The following RLF variants were observed in gnomAD, a reference collection of about 807,000 sequenced individuals.
The protein encoded by RLF is RLF zinc finger.
In RLF, 7 loss-of-function variants were observed where a neutral mutation model predicts 162.9. The ratio of observed to expected loss-of-function variants is 0.04; its 90% CI spans 0.02 to 0.08. The LOEUF is 0.08. Ranked by LOEUF, RLF falls within the 10% of genes least tolerant of loss-of-function variation. The probability of loss-of-function intolerance (pLI) is 1.00; values close to 1 mark genes in which losing one functional copy is unlikely to be tolerated. For missense variants in RLF, 1,664 were observed against 2,244.7 expected (o/e 0.74, Z 5.23); for synonymous variants, 782 against 791.5 (o/e 0.99, Z 0.20).
intron 3 of RLF, among the ~76,000 whole-genome samples, chr1:40,194,531 T>C (rs150621736): frequency 0.052 from 7,857 of 151,452 alleles, 598 homozygotes; most frequent in African/African-American, 0.17. Flanking sequence ...TCCCAGCTAC[T>C]TGGGAGATTG....
Position 40,238,655 on chromosome 1 carries a change from A to T in RLF, c.3953A>T (p.Asn1318Ile). ...KPFHCIHKTC[N>I]SSFTNLKGLI... ...TTCCATTGTATTCATAAAACTTGCA[A>T]CTCCTCATTCACCAATCTAAAAGGC... Residue 1318 changes from asparagine to isoleucine, a missense_variant, in exon 8 of 8, where the codon AAC becomes ATC. Transcript: ENST00000372771. This position sits in a 1 kb window ranked among gnomAD's most constrained non-coding sequence, Gnocchi z 5.2. 1 of 1,613,218 alleles carries T rather than the reference A, an allele frequency of 6.2e-7. No homozygotes were observed. The highest frequency in any genetic ancestry group is 8.5e-7 in the Non-Finnish European group (1 of 1,179,580).
chr1:40,231,389 C>T lies in RLF; in HGVS notation c.948-128C>T. On this transcript the variant is annotated intron_variant, in intron 6 of 7. Transcript: ENST00000372771. ...GGGAGAAAGCAGTGGTGAATATAGA[C>T]AGCTTTTAATCTAGTTTTTGTTTTC... 5.7e-6 allele frequency: 4 copies of T among 705,824 alleles called. No individual in the cohort carries two copies. In the Admixed American group the frequency reaches 1.1e-4, roughly 19 times the overall value. 43.7% of individuals were successfully genotyped at this position (705,824 alleles called of 1,614,324 possible).
intron 5 of RLF, among the ~76,000 whole-genome samples, chr1:40,204,783 A>T (rs981052218): frequency 2.0e-5 from 3 of 151,994 alleles, no homozygotes; most frequent in African/African-American, 2.4e-5. Context: ...GTTTTTTCTT[A>T]TTCTTCAAAA....
intron 5 of RLF, among the ~76,000 whole-genome samples, chr1:40,206,058 C>G (rs547049262): frequency 2.6e-5 from 4 of 152,210 alleles, no homozygotes; most frequent in African/African-American, 9.6e-5. Context: ...TCTCTCCAGC[C>G]CTGTTCCCTC....
At chr1:40,213,245 G>A (rs1642885139) in intron 5 of RLF, among the ~76,000 whole-genome samples, 1 of 152,146 alleles carries the variant, frequency 6.6e-6, no homozygotes, top group African/African-American at 2.4e-5. Flanking sequence ...GTATGCATCT[G>A]GATCTCACTT....
Position 40,239,635 on chromosome 1 carries a change from A to G in RLF, c.4933A>G (p.Ser1645Gly), listed in dbSNP as rs1296314849. ...CCAGAACACTGATTGCTGTCATTCA[A>G]GTGAAAGGGATGGAGGTCAGAAAGG... ...PIQNTDCCHS[S>G]ERDGGQKGCI... The change falls in exon 8 of 8, where the codon AGT (serine) becomes GGT (glycine). Residue 1645 changes from serine (S) to glycine (G), a missense_variant. Around this residue, in one of 15 missense-constraint regions of RLF, gnomAD observed 327 missense variants for 342.7 expected, o/e 0.95. Transcript: ENST00000372771. 3.1e-6 allele frequency: 5 copies of G among 1,614,186 alleles called. No individual in the cohort carries two copies. Among genetic ancestry groups the G allele is most frequent in the East Asian group, 2.2e-5 (1 of 44,882 alleles).
chr1:40,215,953 G>T (rs1642918968), intron 5 of RLF, among the ~76,000 whole-genome samples: 1 of 151,866 alleles, frequency 6.6e-6, no homozygotes, highest in Non-Finnish European at 1.5e-5. Flanking sequence ...ATAAATAAAT[G>T]AAATAGAGAA....
rs764087943 is a variant in RLF, at chr1:40,239,087, C to T, written c.4385C>T (p.Ser1462Leu). 41 of 1,614,080 alleles carry T rather than the reference C, an allele frequency of 2.5e-5. No homozygotes were observed. Among genetic ancestry groups the T allele is most frequent in the South Asian group, 2.5e-4 (23 of 91,078 alleles). The stretch of plus-strand genomic sequence containing the variant: ...ATTTTCACCCATCGCAGTAATTACT[C>T]ACAACATGTATATTACCGACATAAA... ...GQIFTHRSNY[S>L]QHVYYRHKDY... Residue 1462 changes from serine (S) to leucine (L), a missense_variant, in exon 8 of 8, where the codon TCA (serine) becomes TTA (leucine). Ser to Leu is a moderately radical substitution (Grantham distance 145). Coordinates refer to ENST00000372771, the MANE Select transcript of RLF (RefSeq NM_012421.4).
At chr1:40,204,036 T>C (rs113625050) in intron 5 of RLF, among the ~76,000 whole-genome samples, 2,478 of 115,488 alleles carry the variant, frequency 0.021, 58 homozygotes, top group African/African-American at 0.097. Flanking sequence ...TCCTCTCTCT[T>C]TTTTTTTTTT....
At chr1:40,231,983 G>C (rs2124559886) in intron 7 of RLF, among the ~76,000 whole-genome samples, 2 of 152,286 alleles carry the variant, frequency 1.3e-5, no homozygotes, top group South Asian at 4.1e-4. Flanking sequence ...CAAGGCGGGT[G>C]GATTACTTGA....
At chr1:40,162,491 C>G (rs1005970882) in intron 1 of RLF, among the ~76,000 whole-genome samples, 1 of 152,170 alleles carries the variant, frequency 6.6e-6, no homozygotes, top group African/African-American at 2.4e-5. Context: ...TTTGTTCTGT[C>G]AGGTTTCAGA....
chr1:40,182,780 G>C (rs1166175054), intron 1 of RLF, among the ~76,000 whole-genome samples: 1 of 152,032 alleles, frequency 6.6e-6, no homozygotes, highest in Non-Finnish European at 1.5e-5. Context: ...TAGATAGATA[G>C]ATAGATAGAT....
intron 1 of RLF, among the ~76,000 whole-genome samples, chr1:40,188,660 CAT>C (rs927573907): frequency 3.3e-5 from 5 of 151,560 alleles, no homozygotes; most frequent in African/African-American, 7.3e-5. Flanking sequence ...AACTGAGAGT[CAT>C]ATTCAGGAAT....
intron 4 of RLF, among the ~76,000 whole-genome samples, chr1:40,196,560 C>T (rs1360072737): frequency 3.9e-5 from 6 of 152,124 alleles, no homozygotes; most frequent in Non-Finnish European, 7.4e-5. Context: ...GCTGGAGTGG[C>T]ACAATTATGG....
intron 5 of RLF, among the ~76,000 whole-genome samples, chr1:40,203,231 C>G (rs1161101887): frequency 6.6e-6 from 1 of 150,906 alleles, no homozygotes; most frequent in Non-Finnish European, 1.5e-5. Flanking sequence ...TCTTGTGCCT[C>G]AGCCTCCCAA....
At chr1:40,209,418 C>G (rs1204562438) in intron 5 of RLF, among the ~76,000 whole-genome samples, 3 of 152,258 alleles carry the variant, frequency 2.0e-5, no homozygotes, top group African/African-American at 7.2e-5. Flanking sequence ...ATTTTAGACA[C>G]CTTACAAACA....
rs186890190 is a variant in RLF, at chr1:40,234,366, T to C, written c.1090-1426T>C. Among the ~76,000 whole-genome samples, 251 of 152,282 alleles carry C rather than the reference T, an allele frequency of 1.6e-3. 8 individuals carry two copies. The South Asian group carries it at 0.037, about 23-fold the overall frequency. On this transcript the variant is annotated intron_variant, in intron 7 of 7. Transcript: ENST00000372771. ...ATGAGGATAATACGTGCAAAAAAGT[T>C]TATTTCAAATAAGTGCCTAGGCTGT... is the stretch of plus-strand genomic sequence containing the variant.
At chr1:40,229,435 T>C (rs951275621) in intron 6 of RLF, among the ~76,000 whole-genome samples, 2 of 150,596 alleles carry the variant, frequency 1.3e-5, no homozygotes, top group African/African-American at 4.9e-5. Flanking sequence ...CCTGTTAAGC[T>C]TTATTCATTT....
chr1:40,209,877 T>TAAAAA (rs76437844), intron 5 of RLF, among the ~76,000 whole-genome samples: 1 of 130,618 alleles, frequency 7.7e-6, no homozygotes, highest in African/African-American at 2.8e-5. Flanking sequence ...GACTCCGTCT[T>TAAAAA]AAAAAAAAAA....
Sources: allele counts gnomAD v4.1 joint callset (sites outside exome capture counted in the v4.1 genomes callset), GRCh38; gene constraint gnomAD v4.1.1; regional missense constraint gnomAD v4.1.1; non-coding constraint Gnocchi (gnomAD v3.1); transcripts MANE v1.5; gene names NCBI Gene and HGNC (gene_info 2026-07-23, HGNC 2026-07-21).